PCDHA3: variants seen among roughly 807,000 people sequenced by gnomAD.
The protein encoded by PCDHA3 is protocadherin alpha 3, also known as protocadherin alpha-3.
Under a neutral mutation model 62.2 loss-of-function variants are expected in PCDHA3, and 41 were observed. That is an observed-to-expected ratio of 0.66 (90% CI 0.51 to 0.86). The LOEUF is 0.86. Among genes scored for constraint, PCDHA3 ranks in the 40% least tolerant of loss-of-function variants. The pLI is 0.00. For missense variants in PCDHA3, 1,304 were observed against 1,241.2 expected (o/e 1.05, Z -0.76); for synonymous variants, 640 against 555.4 (o/e 1.15, Z -2.14).
chr5:140,807,343 G>A, intron 1 of PCDHA3: 1 of 1,613,188 alleles, frequency 6.2e-7, no homozygotes, highest in Non-Finnish European at 8.5e-7. Context: ...CGCAGGACCT[G>A]GGACTGGAGC....
At chr5:140,877,792 C>T (rs782259804) in intron 1 of PCDHA3, 1 of 1,614,004 alleles carries the variant, frequency 6.2e-7, no homozygotes, top group Non-Finnish European at 8.5e-7. Context: ...GGCCTTCAGC[C>T]CAAGCCTTCA....
intron 2 of PCDHA3, among the ~76,000 whole-genome samples, chr5:140,981,053 A>T (rs1422870263): frequency 6.6e-6 from 1 of 152,206 alleles, no homozygotes; most frequent in Non-Finnish European, 1.5e-5. Flanking sequence ...AGATAATTCT[A>T]GAGTGTAGAC....
chr5:140,924,830 G>T (rs1240824600), intron 1 of PCDHA3, among the ~76,000 whole-genome samples: 3 of 151,612 alleles, frequency 2.0e-5, no homozygotes, highest in Non-Finnish European at 4.4e-5. Flanking sequence ...GGGAGGGGGA[G>T]GTTGCAGGGA....
At chr5:140,935,616 C>T (rs1247673748) in intron 1 of PCDHA3, among the ~76,000 whole-genome samples, 13 of 151,976 alleles carry the variant, frequency 8.6e-5, no homozygotes, top group African/African-American at 3.1e-4. Flanking sequence ...TTTTTCAAGT[C>T]GCTTTCAAAT....
At chr5:140,841,071 T>G (rs2150310852) in intron 1 of PCDHA3, 1 of 492,430 alleles carries the variant, frequency 2.0e-6, no homozygotes, top group Non-Finnish European at 3.5e-6. Context: ...GATAAAGAAA[T>G]AGAAAGTGCA....
Position 140,801,527 on chromosome 5 carries a change from G to A in PCDHA3, c.330G>A (p.Val110=), listed in dbSNP as rs1562179621. 6.2e-7 allele frequency: 1 copy of A among 1,614,236 alleles called. No individual in the cohort carries two copies. Among genetic ancestry groups the A allele is most frequent in the Non-Finnish European group, 8.5e-7 (1 of 1,180,056 alleles). ...AECSIHLEVI[V]DRPLQVFHVE... is the part of the protein sequence containing the mutation. ...GCAGCATCCACCTGGAGGTGATCGT[G>A]GACAGGCCGCTGCAGGTTTTCCATG... The change falls in exon 1 of 4, where the codon GTG becomes GTA. Residue 110 remains valine, a synonymous_variant. Coordinates refer to ENST00000522353, the MANE Select transcript of PCDHA3 (RefSeq NM_018906.3).
At chr5:140,964,862 A>G (rs560839818) in intron 1 of PCDHA3, among the ~76,000 whole-genome samples, 1 of 152,316 alleles carries the variant, frequency 6.6e-6, no homozygotes, top group South Asian at 2.1e-4. Context: ...GGAAACAAAG[A>G]GGACAAATAA....
intron 1 of PCDHA3, chr5:140,876,947 A>C: frequency 6.2e-7 from 1 of 1,613,496 alleles, no homozygotes; most frequent in Non-Finnish European, 8.5e-7. Flanking sequence ...CTGGTGTCCT[A>C]CTCGCTGGTG....
chr5:140,905,086 G>A (rs1454643340), intron 1 of PCDHA3, among the ~76,000 whole-genome samples: 1 of 152,056 alleles, frequency 6.6e-6, no homozygotes, highest in Non-Finnish European at 1.5e-5. Flanking sequence ...CTTTCTTTTG[G>A]GTTCTCAGTC....
chr5:140,886,961 C>T (rs1340952035), intron 1 of PCDHA3, among the ~76,000 whole-genome samples: 1 of 151,926 alleles, frequency 6.6e-6, no homozygotes, highest in South Asian at 2.1e-4. Context: ...CATTTAGCAA[C>T]GAAATTTATT....
intron 1 of PCDHA3, among the ~76,000 whole-genome samples, chr5:140,914,901 G>A (rs2076874560): frequency 6.8e-6 from 1 of 147,044 alleles, no homozygotes; most frequent in African/African-American, 2.5e-5. Flanking sequence ...TTAACTTTGT[G>A]TTGTTTCTCT....
At chr5:140,836,159 GA>G in intron 1 of PCDHA3, 1 of 1,613,838 alleles carries the variant, frequency 6.2e-7, no homozygotes, top group Non-Finnish European at 8.5e-7. Context: ...ATGTGGTGGC[GA>G]AGGTACGTGC....
chr5:140,812,305 T>C (rs1765078735), intron 1 of PCDHA3: 1 of 152,126 alleles, frequency 6.6e-6, no homozygotes, highest in African/African-American at 2.4e-5. Context: ...TATATGATTT[T>C]AAAAGCCTCT....
At chr5:140,935,908 T>TG (rs2090628873) in intron 1 of PCDHA3, among the ~76,000 whole-genome samples, 1 of 151,636 alleles carries the variant, frequency 6.6e-6, no homozygotes, top group Non-Finnish European at 1.5e-5. Context: ...TTTTTTTTTT[T>TG]TTGAGACAGA....
intron 1 of PCDHA3, chr5:140,876,256 A>T: frequency 1.9e-6 from 3 of 1,614,042 alleles, no homozygotes; most frequent in Non-Finnish European, 2.5e-6. Context: ...CACAAGAGTG[A>T]TCCAACTAAA....
At chr5:140,884,995 T>C (rs1168400289) in intron 1 of PCDHA3, among the ~76,000 whole-genome samples, 1 of 152,228 alleles carries the variant, frequency 6.6e-6, no homozygotes, top group African/African-American at 2.4e-5. Context: ...AAAATGTTTG[T>C]TTTAATGAGG....
intron 1 of PCDHA3, chr5:140,808,778 C>G (rs781867451): frequency 1.2e-6 from 2 of 1,612,450 alleles, no homozygotes; most frequent in South Asian, 2.2e-5. Flanking sequence ...GCTAGAGCTG[C>G]TGCAGTTTCA....
intron 1 of PCDHA3, chr5:140,849,585 C>G (rs147876741): frequency 6.3e-7 from 1 of 1,598,624 alleles, no homozygotes; most frequent in African/African-American, 1.3e-5. Flanking sequence ...AGAGGACGCA[C>G]AACTGGGGAC....
At position 141,009,879 on chromosome 5, in the gene PCDHA3, A is replaced by G; in HGVS notation, c.2795A>G (p.Asn932Ser). Reference protein sequence around the residue: ...TKKKKKKKKGNKTQEKKEKGN... With the variant: ...TKKKKKKKKGSKTQEKKEKGN... ...AAAAAGAAGAAAAAGAAGAAGGGTA[A>G]CAAGACCCAGGAGAAAAAAGAGAAA... Residue 932 changes from asparagine (N) to serine (S), a missense_variant, in exon 4 of 4, where the codon AAC (asparagine) becomes AGC (serine). Asn to Ser is a conservative substitution (Grantham distance 46). Coordinates refer to ENST00000522353, the MANE Select transcript of PCDHA3 (RefSeq NM_018906.3). 12 of 1,613,884 alleles carry G rather than the reference A, an allele frequency of 7.4e-6. No individual in the cohort carries two copies. Among genetic ancestry groups the G allele is most frequent in the Non-Finnish European group, 1.0e-5 (12 of 1,179,984 alleles).
Sources: allele counts gnomAD v4.1 joint callset (sites outside exome capture counted in the v4.1 genomes callset), GRCh38; gene constraint gnomAD v4.1.1; transcripts MANE v1.5; gene names NCBI Gene and HGNC (gene_info 2026-07-23, HGNC 2026-07-21).